The following RANBP3L variants were observed in gnomAD, a reference collection of about 807,000 sequenced individuals.
The protein encoded by RANBP3L is ran-binding protein 3-like.
In RANBP3L, 56 loss-of-function variants were observed where a neutral mutation model predicts 67.2. That is an observed-to-expected ratio of 0.83 (90% CI 0.67 to 1.04). The LOEUF (loss-of-function observed/expected upper bound fraction) is 1.04. RANBP3L is among the 50% of genes least tolerant of loss of function. The pLI is 0.00. For missense variants in RANBP3L, 496 were observed against 535.5 expected (o/e 0.93, Z 0.73); for synonymous variants, 164 against 181.4 (o/e 0.90, Z 0.77).
At chr5:36,300,965 TA>T (rs1281470218) in intron 1 of RANBP3L, among the ~76,000 whole-genome samples, 3 of 152,156 alleles carry the variant, frequency 2.0e-5, no homozygotes, top group South Asian at 2.1e-4. Context: ...CCACCAGTGG[TA>T]CTATGGTAGA....
chr5:36,269,556 T>C (rs1750065061), intron 3 of RANBP3L, 89 bp from the exon 4 acceptor site: 1 of 801,764 alleles, frequency 1.2e-6, no homozygotes, highest in African/African-American at 1.7e-5. Context: ...AGAATTTTCT[T>C]TTGTCTACAC....
intron 8 of RANBP3L, among the ~76,000 whole-genome samples, chr5:36,259,145 A>C (rs558002148): frequency 6.6e-6 from 1 of 152,322 alleles, no homozygotes; most frequent in East Asian, 1.9e-4. Flanking sequence ...TAAATTCACC[A>C]TGGAGGCTGG....
chr5:36,295,354 C>T (rs1212668513), intron 1 of RANBP3L, among the ~76,000 whole-genome samples: 1 of 152,026 alleles, frequency 6.6e-6, no homozygotes, highest in African/African-American at 2.4e-5. Context: ...CTCATGAGAT[C>T]TGATGGTTTT....
intron 1 of RANBP3L, among the ~76,000 whole-genome samples, chr5:36,279,770 T>C (rs1579747743): frequency 6.6e-6 from 1 of 152,194 alleles, no homozygotes; most frequent in Non-Finnish European, 1.5e-5. Context: ...TTAAAGTTTT[T>C]ATCAGAATGA....
At chr5:36,265,541 ATTTT>A in intron 4 of RANBP3L, 21 bp from the exon 5 acceptor site, 2 of 1,424,148 alleles carry the variant, frequency 1.4e-6, no homozygotes, top group Non-Finnish European at 2.0e-6. Flanking sequence ...AAATATTTAA[ATTTT>A]TTTAAATACA....
At chr5:36,277,372 T>A (rs1750645076) in intron 1 of RANBP3L, among the ~76,000 whole-genome samples, 1 of 150,816 alleles carries the variant, frequency 6.6e-6, no homozygotes, top group Non-Finnish European at 1.5e-5. Context: ...GTATTTTAAA[T>A]AAAGGACTCG....
chr5:36,283,152 A>C (rs2112028155), intron 1 of RANBP3L, among the ~76,000 whole-genome samples: 1 of 152,126 alleles, frequency 6.6e-6, no homozygotes, highest in East Asian at 1.9e-4. Flanking sequence ...CTGCCTCCTG[A>C]GTTCAAGTAA....
chr5:36,264,180 C>G (rs981411918), intron 6 of RANBP3L, among the ~76,000 whole-genome samples: 1 of 152,112 alleles, frequency 6.6e-6, no homozygotes, highest in Non-Finnish European at 1.5e-5. Context: ...TTTACACTTC[C>G]GTGTTTCTGT....
At position 36,276,996 on chromosome 5, in the gene RANBP3L, G is replaced by A. The variant is rs140256241; in HGVS notation, c.92-5685C>T. On this transcript the variant is annotated intron_variant, in intron 1 of 13. Coordinates refer to ENST00000296604, the MANE Select transcript of RANBP3L (RefSeq NM_145000.5). Reference sequence around the variant, plus strand: ...AATTCTCCATGCTGGATAGAACCAGGCTACTCTAGCCAGGGCTAAAAAAGG... The same window carrying A: ...AATTCTCCATGCTGGATAGAACCAGACTACTCTAGCCAGGGCTAAAAAAGG... Among the ~76,000 whole-genome samples the A allele has an allele frequency of 1.6e-4, 25 of 152,304 alleles. 1 individual carries two copies. The highest frequency in any genetic ancestry group is 3.2e-4 in the Non-Finnish European group (22 of 68,022).
rs971385625 is a variant in RANBP3L, at chr5:36,273,623, T to A, written c.92-2312A>T. On this transcript the variant is annotated intron_variant, in intron 1 of 13. Coordinates refer to ENST00000296604, the MANE Select transcript of RANBP3L (RefSeq NM_145000.5). ...AAACAATTCTCTTAGCTCCAAAGAC[T>A]GAGTCAAAAGTAAGCATTTGTCAAG... 4.6e-5 allele frequency among the ~76,000 whole-genome samples: 7 copies of A among 152,280 alleles called. 1 individual carries two copies. Among genetic ancestry groups the A allele is most frequent in the Admixed American group, 4.6e-4 (7 of 15,300 alleles).
At chr5:36,268,346 G>T in intron 4 of RANBP3L, 1 of 969,044 alleles carries the variant, frequency 1.0e-6, no homozygotes, top group Non-Finnish European at 1.5e-6. Flanking sequence ...TGCTGTTTTG[G>T]AAAAATTTCT....
rs1554017945 is a variant in RANBP3L, at chr5:36,277,422, C to CTA, written c.92-6113_92-6112dup. On this transcript the variant is annotated intron_variant, in intron 1 of 13. Coordinates refer to ENST00000296604, the MANE Select transcript of RANBP3L (RefSeq NM_145000.5). ...CATCTCTCTCTCTCTCTCTCTCTCT[C>CTA]TATATATATATATATATATGTGTGT... 9.9e-3 allele frequency among the ~76,000 whole-genome samples: 1,132 copies of CTA among 114,730 alleles called. 11 individuals are homozygous for CTA. The highest frequency in any genetic ancestry group is 0.017 in the Admixed American group (187 of 11,074). 75.3% of individuals were successfully genotyped at this position (114,730 alleles called of 152,430 possible).
At chr5:36,265,588 TAAC>T in intron 4 of RANBP3L, 68 bp from the exon 5 acceptor site, 1 of 910,884 alleles carries the variant, frequency 1.1e-6, no homozygotes, top group Middle Eastern at 3.2e-4. Context: ...ATTTGGGGCT[TAAC>T]AATCCCATTC....
chr5:36,292,352 C>T (rs943101170), intron 1 of RANBP3L, among the ~76,000 whole-genome samples: 137 of 151,790 alleles, frequency 9.0e-4, no homozygotes, highest in Middle Eastern at 3.4e-3. Context: ...TTGTAGGTTG[C>T]CTGTTCACTC....
chr5:36,259,847 C>A (rs1292361472), intron 8 of RANBP3L, among the ~76,000 whole-genome samples: 1 of 152,100 alleles, frequency 6.6e-6, no homozygotes, highest in East Asian at 1.9e-4. Context: ...TAAAATTTTC[C>A]ACTGTAGATC....
chr5:36,295,170 A>G (rs2112149215), intron 1 of RANBP3L, among the ~76,000 whole-genome samples: 1 of 151,914 alleles, frequency 6.6e-6, no homozygotes, highest in Middle Eastern at 3.4e-3. Flanking sequence ...TAACATAGTA[A>G]TTCTATTTGT....
chr5:36,249,661 C>T lies in RANBP3L; in HGVS notation c.1391G>A (p.Cys464Tyr). Residue 464 changes from cysteine (C) to tyrosine (Y), a missense_variant, in exon 14 of 14, where the codon TGT becomes TAT. Physicochemically the swap from Cys to Tyr is radical, Grantham distance 194 (BLOSUM62 -2). Coordinates refer to ENST00000296604, the MANE Select transcript of RANBP3L (RefSeq NM_145000.5). ...GTTTATAGTAGGTAGTATTCATGAA[C>T]AGGCAACCGACTGTCTGTGAGTCCA... ...SSWTHRQSVA[C>Y]S The T allele has an allele frequency of 6.4e-7, 1 of 1,554,972 alleles. No individual in the cohort carries two copies. The highest frequency in any genetic ancestry group is 1.2e-5 in the South Asian group (1 of 83,664).
At chr5:36,254,192 T>C (rs1283746355) in intron 11 of RANBP3L, among the ~76,000 whole-genome samples, 1 of 107,248 alleles carries the variant, frequency 9.3e-6, no homozygotes, top group Non-Finnish European at 2.1e-5. Context: ...TTAAGAATAC[T>C]GCAAAAATAA....
rs181737979 is a variant in RANBP3L at position 36,292,461 on chromosome 5, A to G, written c.91+8865T>C. Reference sequence around the variant, plus strand: ...TGCCATTGCTTTTGGTGTTTTAGACATGAAGTCCTTGCCCATGCCTATCTC... The same window carrying G: ...TGCCATTGCTTTTGGTGTTTTAGACGTGAAGTCCTTGCCCATGCCTATCTC... On this transcript the variant is annotated intron_variant, in intron 1 of 13. Coordinates refer to ENST00000296604, the MANE Select transcript of RANBP3L (RefSeq NM_145000.5). 7.8e-3 allele frequency among the ~76,000 whole-genome samples: 1,183 copies of G among 152,274 alleles called. 15 individuals are homozygous for G. The highest frequency in any genetic ancestry group is 0.027 in the African/African-American group (1,101 of 41,528).
Sources: gnomAD v4.1 joint callset for allele counts (sites outside exome capture counted in the v4.1 genomes callset) on GRCh38, gnomAD v4.1.1 for gene constraint, MANE v1.5 for transcripts, NCBI Gene and HGNC (gene_info 2026-07-23, HGNC 2026-07-21) for gene names.